TYRO3: variants seen among roughly 807,000 people sequenced by gnomAD.
TYRO3 encodes the protein TYRO3 protein tyrosine kinase.
In TYRO3, 38 loss-of-function variants were observed where a neutral mutation model predicts 95.2. The ratio of observed to expected loss-of-function variants is 0.40; its 90% CI spans 0.31 to 0.52. The LOEUF (loss-of-function observed/expected upper bound fraction) is 0.52, where lower values mean the gene tolerates loss of function less well. Among genes scored for constraint, TYRO3 ranks in the 20% least tolerant of loss-of-function variants. The probability of loss-of-function intolerance (pLI) is 0.56; values close to 1 mark genes in which losing one functional copy is unlikely to be tolerated. For synonymous variants in TYRO3, 367 were observed against 432.9 expected (o/e 0.85, Z 1.89); for missense variants, 812 against 1,116.4 (o/e 0.73, Z 3.89).
Position 41,565,162 on chromosome 15 carries a change from C to T in TYRO3, c.783+21C>T, listed in dbSNP as rs765457175. 18 of 1,498,844 alleles carry T rather than the reference C, an allele frequency of 1.2e-5. No homozygotes were observed. The South Asian group carries it at 1.8e-4, about 15-fold the overall frequency. 92.8% of individuals were successfully genotyped at this position (1,498,844 alleles called of 1,614,324 possible). ...TTCAGGTAGGCTCTCCGGGCCGGGC[C>T]ATGCTCGTTCTGGCTGCATGGCCAG... On this transcript the variant is annotated intron_variant, in intron 6 of 18. Transcript: ENST00000263798.
At chr15:41,568,643 G>A (rs541765827) in intron 8 of TYRO3, among the ~76,000 whole-genome samples, 5 of 152,088 alleles carry the variant, frequency 3.3e-5, no homozygotes, top group Non-Finnish European at 5.9e-5. Flanking sequence ...AGCTCAGTTC[G>A]CTCCCATCCC....
At chr15:41,568,171 G>C in intron 7 of TYRO3, 46 bp from the exon 8 acceptor site, 1 of 1,609,206 alleles carries the variant, frequency 6.2e-7, no homozygotes, top group Non-Finnish European at 8.5e-7. Flanking sequence ...GAATTATGAT[G>C]GTGGGAAGGG....
intron 18 of TYRO3, 198 bp from the exon 19 acceptor site, chr15:41,577,688 T>C (rs2055876681): frequency 3.8e-6 from 2 of 527,710 alleles, no homozygotes; most frequent in Non-Finnish European, 3.4e-6. Flanking sequence ...GGTTTTGCCA[T>C]ATTGCCCAGG....
chr15:41,562,600 C>T lies in TYRO3; in HGVS notation c.462C>T (p.Ala154=). 6.2e-7 allele frequency: 1 copy of T among 1,613,740 alleles called. No homozygotes were observed. Among genetic ancestry groups the T allele is most frequent in the Middle Eastern group, 1.8e-4 (1 of 5,670 alleles). ...EPKDLAVPPN[A]PFQLSCEAVG... ...AAGATCTGGCAGTGCCACCCAATGCCCCTTTCCAACTGTCTTGTGAGGCTG... is the reference window on the plus strand; with the variant it reads ...AAGATCTGGCAGTGCCACCCAATGCTCCTTTCCAACTGTCTTGTGAGGCTG... The change falls in exon 4 of 19, where the codon GCC becomes GCT. Residue 154 remains alanine (A), a synonymous_variant. Transcript: ENST00000263798.
In TYRO3 at chr15:41,583,100, T is replaced by G. The variant is rs1488963953; in HGVS notation, c.*4824T>G. On this transcript the variant is annotated 3_prime_UTR_variant, in exon 19 of 19. Coordinates refer to ENST00000263798, the MANE Select transcript of TYRO3 (RefSeq NM_006293.4). The stretch of plus-strand genomic sequence containing the variant: ...ACCTCCGCCTCTCAGTTCAAGCGAG[T>G]CTCCTCCTGCCTCACACTCCCAATT... 1 of 148,894 alleles carries G rather than the reference T, an allele frequency of 6.7e-6. No homozygotes were observed. Among genetic ancestry groups the G allele is most frequent in the Non-Finnish European group, 1.5e-5 (1 of 67,586 alleles). 9.2% of individuals were successfully genotyped at this position (148,894 alleles called of 1,614,324 possible).
chr15:41,573,501 C>A (rs759309371), intron 17 of TYRO3, 34 bp downstream of exon 17: 1 of 1,431,798 alleles, frequency 7.0e-7, no homozygotes, highest in Non-Finnish European at 9.5e-7. Flanking sequence ...TTGGTGGGGA[C>A]GAGTGTGAGA....
intron 14 of TYRO3, 39 bp downstream of exon 14, chr15:41,571,726 C>A: frequency 2.2e-6 from 2 of 891,778 alleles, no homozygotes; most frequent in African/African-American, 1.6e-5. Context: ...GAGAATAGGG[C>A]TAAAAATATG....
chr15:41,563,221 G>A (rs1378895215), intron 4 of TYRO3, among the ~76,000 whole-genome samples: 3 of 152,130 alleles, frequency 2.0e-5, no homozygotes, highest in East Asian at 3.9e-4. Flanking sequence ...ACCTCCACAC[G>A]TTTTCTCAAA....
intron 5 of TYRO3, chr15:41,564,807 G>A (rs1447833160): frequency 3.7e-6 from 2 of 544,814 alleles, no homozygotes; most frequent in Non-Finnish European, 6.6e-6. Context: ...GCAGGGAGAG[G>A]CAACCTCTCT....
At chr15:41,567,304 A>G in intron 6 of TYRO3, 56 bp from the exon 7 acceptor site, 1 of 1,392,206 alleles carries the variant, frequency 7.2e-7, no homozygotes, top group Non-Finnish European at 9.4e-7. Flanking sequence ...TACCCATCCC[A>G]TCTTCCATCT....
In TYRO3 at chr15:41,583,552, C is replaced by T. The variant is rs2055943785; in HGVS notation, c.*5276C>T. ...TACATGTGCCAGTGTCACTGCTACA[C>T]TAATTGAATTACTATAAATGTATAA... On this transcript the variant is annotated 3_prime_UTR_variant, in exon 19 of 19. Transcript: ENST00000263798. The T allele has an allele frequency of 6.6e-6, 1 of 152,214 alleles. No homozygotes were observed. 9.4% of individuals were successfully genotyped at this position (152,214 alleles called of 1,614,324 possible). A position where few individuals can be genotyped will look rare whatever the true frequency, so the allele number is the denominator to read the frequency against.
In TYRO3 at chr15:41,578,917, G is replaced by A. The variant is rs1217223465; in HGVS notation, c.*641G>A. The A allele has an allele frequency of 6.5e-6, 1 of 153,620 alleles. No homozygotes were observed. The highest frequency in any genetic ancestry group is 1.4e-5 in the Non-Finnish European group (1 of 69,202). 9.5% of individuals were successfully genotyped at this position (153,620 alleles called of 1,614,324 possible). A position where few individuals can be genotyped will look rare whatever the true frequency, so the allele number is the denominator to read the frequency against. On this transcript the variant is annotated 3_prime_UTR_variant, in exon 19 of 19. Transcript: ENST00000263798. ...ACACAAAGGCATGCTGGAGTACCCAGCCTATCAGGTGCCCCTCTTCCAAAG... is the reference window on the plus strand; with the variant it reads ...ACACAAAGGCATGCTGGAGTACCCAACCTATCAGGTGCCCCTCTTCCAAAG...
Position 41,579,586 on chromosome 15 carries a change from G to A in TYRO3, c.*1310G>A, listed in dbSNP as rs1372753418. ...GGTGGTCTTGAACTCATGACCTCAA[G>A]TGATCTGCCTGCCTTGGCCTCCCAA... On this transcript the variant is annotated 3_prime_UTR_variant, in exon 19 of 19. Transcript: ENST00000263798. 1 of 152,156 alleles carries A rather than the reference G, an allele frequency of 6.6e-6. No homozygotes were observed. The highest frequency in any genetic ancestry group is 2.4e-5 in the African/African-American group (1 of 41,416). 9.4% of individuals were successfully genotyped at this position (152,156 alleles called of 1,614,324 possible).
At chr15:41,560,184 A>G (rs1277366124) in intron 1 of TYRO3, among the ~76,000 whole-genome samples, 1 of 152,158 alleles carries the variant, frequency 6.6e-6, no homozygotes. Flanking sequence ...TCCTTGCCAT[A>G]TCAGCCTCTC....
intron 18 of TYRO3, 157 bp from the exon 19 acceptor site, chr15:41,577,729 C>A (rs755877520): frequency 4.4e-6 from 3 of 685,058 alleles, no homozygotes; most frequent in South Asian, 2.0e-5. Flanking sequence ...TCAAATAATA[C>A]CCCCCTTCGG....
chr15:41,582,446 C>T lies in TYRO3; in HGVS notation c.*4170C>T, dbSNP rs930865438. The T allele has an allele frequency of 6.6e-6, 1 of 152,154 alleles. No homozygotes were observed. Among genetic ancestry groups the T allele is most frequent in the African/African-American group, 2.4e-5 (1 of 41,382 alleles). 9.4% of individuals were successfully genotyped at this position (152,154 alleles called of 1,614,324 possible). A position where few individuals can be genotyped will look rare whatever the true frequency, so the allele number is the denominator to read the frequency against. On this transcript the variant is annotated 3_prime_UTR_variant, in exon 19 of 19. Transcript: ENST00000263798. Reference sequence around the variant, plus strand: ...TCGGGAGGCTGAGGCAGGAGAATCACTTGAACCTGGGAGGGGGAGGTTGCA... The same window carrying T: ...TCGGGAGGCTGAGGCAGGAGAATCATTTGAACCTGGGAGGGGGAGGTTGCA...
chr15:41,573,027 G>A lies in TYRO3; in HGVS notation c.1901G>A (p.Arg634Gln), dbSNP rs776891442. ...AACCTACCCCTCCAGACCCTGATCC[G>A]GTTCATGGTGGACATTGCCTGCGGC... ...PFNLPLQTLIRFMVDIACGME... is the reference protein window; with the variant it reads ...PFNLPLQTLIQFMVDIACGME... Residue 634 changes from arginine to glutamine, a missense_variant, in exon 16 of 19, where the codon CGG (arginine) becomes CAG (glutamine). Transcript: ENST00000263798. 1.4e-5 allele frequency: 22 copies of A among 1,614,060 alleles called. No homozygotes were observed. The highest frequency in any genetic ancestry group is 1.6e-4 in the Middle Eastern group (1 of 6,084).
intron 4 of TYRO3, 69 bp from the exon 5 acceptor site, chr15:41,564,115 T>G: frequency 1.4e-6 from 2 of 1,410,606 alleles, no homozygotes; most frequent in Non-Finnish European, 2.0e-6. Flanking sequence ...GCCTGAGTAT[T>G]CCCCTTTCCC....
At chr15:41,571,489 C>A in intron 13 of TYRO3, 106 bp from the exon 14 acceptor site, 1 of 793,308 alleles carries the variant, frequency 1.3e-6, no homozygotes, top group Non-Finnish European at 2.2e-6. Flanking sequence ...GTTTCCTGGG[C>A]TCCCTGGGAA....
Sources: gnomAD v4.1 joint callset for allele counts (sites outside exome capture counted in the v4.1 genomes callset) on GRCh38, gnomAD v4.1.1 for gene constraint, MANE v1.5 for transcripts, NCBI Gene and HGNC (gene_info 2026-07-23, HGNC 2026-07-21) for gene names.